PTAR1: variants seen among roughly 807,000 people sequenced by gnomAD.
PTAR1 encodes protein prenyltransferase alpha subunit repeat-containing protein 1.
PTAR1 carries 17 observed loss-of-function variants against 45.5 expected under a neutral mutation model. The ratio of observed to expected loss-of-function variants is 0.37; its 90% CI spans 0.26 to 0.56. The LOEUF (loss-of-function observed/expected upper bound fraction) is 0.56, where lower values mean the gene tolerates loss of function less well. Ranked by LOEUF, PTAR1 falls within the 20% of genes least tolerant of loss-of-function variation. The pLI, the probability that PTAR1 is intolerant of heterozygous loss-of-function variation, is 0.77. For synonymous variants in PTAR1, 169 were observed against 171.3 expected (o/e 0.99, Z 0.11); for missense variants, 391 against 476.3 (o/e 0.82, Z 1.67).
At chr9:69,751,653 T>A (rs1826539697) in intron 1 of PTAR1, among the ~76,000 whole-genome samples, 1 of 152,030 alleles carries the variant, frequency 6.6e-6, no homozygotes, top group African/African-American at 2.4e-5. Flanking sequence ...AACAAATGTG[T>A]TTATGCTTGC....
At chr9:69,740,904 CAAGT>C (rs1826017327) in intron 3 of PTAR1, among the ~76,000 whole-genome samples, 2 of 152,076 alleles carry the variant, frequency 1.3e-5, no homozygotes, top group African/African-American at 4.8e-5. Flanking sequence ...ATAATTTCAG[CAAGT>C]AATATAAAAA....
At chr9:69,737,206 A>G (rs990082455) in intron 3 of PTAR1, among the ~76,000 whole-genome samples, 1 of 151,956 alleles carries the variant, frequency 6.6e-6, no homozygotes, top group Non-Finnish European at 1.5e-5. Flanking sequence ...CAGCCTCCCA[A>G]GCAGCTGGGA....
intron 5 of PTAR1, among the ~76,000 whole-genome samples, chr9:69,731,442 T>C (rs754514897): frequency 5.9e-5 from 9 of 152,294 alleles, no homozygotes; most frequent in Admixed American, 1.3e-4. Flanking sequence ...AAAAGGGACA[T>C]GTGGCTCTCA....
At chr9:69,746,159 T>C (rs1195017637) in intron 2 of PTAR1, among the ~76,000 whole-genome samples, 1 of 152,120 alleles carries the variant, frequency 6.6e-6, no homozygotes, top group African/African-American at 2.4e-5. Context: ...TATAAGAAGC[T>C]AGGGGTAAAG....
At chr9:69,740,326 T>G (rs1250736011) in intron 3 of PTAR1, among the ~76,000 whole-genome samples, 1 of 152,126 alleles carries the variant, frequency 6.6e-6, no homozygotes, top group African/African-American at 2.4e-5. Flanking sequence ...CCATGAATCT[T>G]AGGCCTAGGT....
intron 3 of PTAR1, among the ~76,000 whole-genome samples, chr9:69,741,077 A>G (rs1826025333): frequency 6.6e-6 from 1 of 152,116 alleles, no homozygotes; most frequent in African/African-American, 2.4e-5. Context: ...AACCCTAGAA[A>G]ATAGAATGTC....
In PTAR1 at chr9:69,710,238, T is replaced by TA. The variant is rs1281835776; in HGVS notation, c.*8103dup. 1 of 152,056 alleles carries TA rather than the reference T, an allele frequency of 6.6e-6. No homozygotes were observed. The highest frequency in any genetic ancestry group is 1.5e-5 in the Non-Finnish European group (1 of 67,992). The allele number at this position is 152,056 out of a possible 1,614,324, so 9.4% of individuals were successfully genotyped here. On this transcript the variant is annotated 3_prime_UTR_variant, in exon 8 of 8. Transcript: ENST00000340434. Reference sequence around the variant, plus strand: ...ATTGAGATGTGCTGTGAGTGCAAAATACACTCAAATCTAAGACTTAGTATG... The same window carrying TA: ...ATTGAGATGTGCTGTGAGTGCAAAATAACACTCAAATCTAAGACTTAGTATG...
rs1230892978 is a variant in PTAR1 at position 69,716,729 on chromosome 9, GCA to G, written c.*1611_*1612del. 6.6e-6 allele frequency: 1 copy of G among 152,078 alleles called. No individual in the cohort carries two copies. The highest frequency in any genetic ancestry group is 1.5e-5 in the Non-Finnish European group (1 of 68,020). 9.4% of individuals were successfully genotyped at this position (152,078 alleles called of 1,614,324 possible). A position where few individuals can be genotyped will look rare whatever the true frequency, so the allele number is the denominator to read the frequency against. On this transcript the variant is annotated 3_prime_UTR_variant, in exon 8 of 8. Coordinates refer to ENST00000340434, the MANE Select transcript of PTAR1 (RefSeq NM_001099666.2). ...TTTCTGCCACTATTACTCACATTCT[GCA>G]CAGATAGGACAACTGACAGCTTCCA...
At chr9:69,754,863 T>G (rs1018178062) in intron 1 of PTAR1, among the ~76,000 whole-genome samples, 1 of 151,994 alleles carries the variant, frequency 6.6e-6, no homozygotes, top group African/African-American at 2.4e-5. Context: ...TGGGTATACA[T>G]CCTTTTTTCC....
At chr9:69,722,140 G>T (rs541871082) in intron 6 of PTAR1, among the ~76,000 whole-genome samples, 1 of 152,278 alleles carries the variant, frequency 6.6e-6, no homozygotes, top group South Asian at 2.1e-4. Flanking sequence ...AGCTGACCAG[G>T]TCTCCTCAAA....
At chr9:69,741,576 C>G (rs1183560108) in intron 3 of PTAR1, 1 of 538,362 alleles carries the variant, frequency 1.9e-6, no homozygotes, top group East Asian at 3.0e-5. Context: ...TGTAACTCAA[C>G]ATGACAATTT....
chr9:69,745,873 G>C (rs1286259644), intron 2 of PTAR1, among the ~76,000 whole-genome samples: 1 of 152,228 alleles, frequency 6.6e-6, no homozygotes, highest in African/African-American at 2.4e-5. Context: ...GTATTTTCTA[G>C]TCCAGTTCCA....
At position 69,716,008 on chromosome 9, in the gene PTAR1, T is replaced by G. The variant is rs1214151301; in HGVS notation, c.*2334A>C. The G allele has an allele frequency of 6.6e-6, 1 of 152,070 alleles. No homozygotes were observed. Among genetic ancestry groups the G allele is most frequent in the Non-Finnish European group, 1.5e-5 (1 of 67,990 alleles). The allele number at this position is 152,070 out of a possible 1,614,324, so 9.4% of individuals were successfully genotyped here. Reference sequence around the variant, plus strand: ...ATGAAAATAGTTTACACACCAAAGATAGGCAAGATAATCAGTGGAAGGTAC... The same window carrying G: ...ATGAAAATAGTTTACACACCAAAGAGAGGCAAGATAATCAGTGGAAGGTAC... On this transcript the variant is annotated 3_prime_UTR_variant, in exon 8 of 8. Transcript: ENST00000340434.
intron 3 of PTAR1, among the ~76,000 whole-genome samples, chr9:69,740,703 A>T (rs1415523200): frequency 6.6e-6 from 1 of 151,488 alleles, no homozygotes; most frequent in Non-Finnish European, 1.5e-5. Flanking sequence ...AAAGCTCTGA[A>T]TTTTAAGTTC....
Position 69,718,349 on chromosome 9 carries a change from C to T in PTAR1, c.1202G>A (p.Ser401Asn), listed in dbSNP as rs202195968. The T allele has an allele frequency of 2.4e-4, 378 of 1,598,232 alleles. No individual in the cohort carries two copies. Among genetic ancestry groups the T allele is most frequent in the Non-Finnish European group, 2.8e-4 (328 of 1,170,378 alleles). The change falls in exon 8 of 8, where the codon AGT becomes AAT. Residue 401 changes from serine to asparagine, a missense_variant. By Grantham distance (46) the Ser-to-Asn change is conservative. This residue lies in a region of PTAR1 where 181 missense variants were observed against 227.7 expected (regional missense o/e 0.80). Coordinates refer to ENST00000340434, the MANE Select transcript of PTAR1 (RefSeq NM_001099666.2). Reference protein sequence around the residue: ...SAYRKWLVTLSQ With the variant: ...SAYRKWLVTLNQ ...AGGACTAATTCACCTCTTTCATTGA[C>T]TCAAAGTAACCAGCCATTTCCTGTA...
At chr9:69,734,330 T>C in intron 3 of PTAR1, 76 bp from the exon 4 acceptor site, 1 of 659,384 alleles carries the variant, frequency 1.5e-6, no homozygotes. Flanking sequence ...TACATGGCTT[T>C]TAATATAATC....
Position 69,709,836 on chromosome 9 carries a change from C to G in PTAR1, c.*8506G>C, listed in dbSNP as rs1052735143. The stretch of plus-strand genomic sequence containing the variant: ...ATAGGTAAGATATACAATTAACATG[C>G]AATTTAAGCTATATTATTTTGAAGA... On this transcript the variant is annotated 3_prime_UTR_variant, in exon 8 of 8. Coordinates refer to ENST00000340434, the MANE Select transcript of PTAR1 (RefSeq NM_001099666.2). 4.6e-5 allele frequency: 7 copies of G among 152,082 alleles called. No homozygotes were observed. Among genetic ancestry groups the G allele is most frequent in the African/African-American group, 1.4e-4 (6 of 41,490 alleles). 9.4% of individuals were successfully genotyped at this position (152,082 alleles called of 1,614,324 possible).
intron 6 of PTAR1, among the ~76,000 whole-genome samples, 174 bp from the exon 7 acceptor site, chr9:69,718,858 T>C (rs1413597398): frequency 2.0e-5 from 3 of 152,122 alleles, no homozygotes; most frequent in African/African-American, 4.8e-5. Flanking sequence ...TCCAGGATAT[T>C]TGGACAAAGA....
intron 1 of PTAR1, among the ~76,000 whole-genome samples, chr9:69,755,564 A>G (rs1004044297): frequency 3.7e-4 from 57 of 152,348 alleles, no homozygotes; most frequent in Middle Eastern, 3.4e-3. Context: ...GCAACCAAAC[A>G]GAAAACAGTC....
Sources: allele counts gnomAD v4.1 joint callset (sites outside exome capture counted in the v4.1 genomes callset), GRCh38; gene constraint gnomAD v4.1.1; regional missense constraint gnomAD v4.1.1; transcripts MANE v1.5; gene names NCBI Gene and HGNC (gene_info 2026-07-23, HGNC 2026-07-21).